Variants in CDK8 observed in about 807,000 individuals in gnomAD.
CDK8 encodes cyclin-dependent kinase 8.
Under a neutral mutation model 71.5 loss-of-function variants are expected in CDK8, and 29 were observed. That is an observed-to-expected ratio of 0.41 (90% CI 0.30 to 0.55). CDK8 has a LOEUF of 0.55. Among genes scored for constraint, CDK8 ranks in the 20% least tolerant of loss-of-function variants. The pLI, the probability that CDK8 is intolerant of heterozygous loss-of-function variation, is 0.37. For synonymous variants in CDK8, 161 were observed against 192.1 expected, an observed-to-expected ratio of 0.84 and a Z score of 1.34; for missense variants, 288 against 572.6, an observed-to-expected ratio of 0.50 and a Z score of 5.07.
In CDK8 at chr13:26,356,481, G is replaced by A. The variant is rs9581649; in HGVS notation, c.456+2601G>A. Among the ~76,000 whole-genome samples, 28 of 152,168 alleles carry A rather than the reference G, an allele frequency of 1.8e-4. No homozygotes were observed. In the South Asian group the frequency reaches 5.2e-3, roughly 28 times the overall value. ...TGACCCTTCTGTGTGTCTCACGCAC[G>A]CAGAAGTCCACTGAACCATTGTTTC... On this transcript the variant is annotated intron_variant, in intron 4 of 12. Transcript: ENST00000381527.
At chr13:26,347,388 A>C (rs1385662126) in intron 2 of CDK8, among the ~76,000 whole-genome samples, 1 of 152,210 alleles carries the variant, frequency 6.6e-6, no homozygotes, top group East Asian at 1.9e-4. Flanking sequence ...GATGTTAATG[A>C]ATGTTGCATC....
At chr13:26,350,081 T>C (rs534142404) in intron 3 of CDK8, among the ~76,000 whole-genome samples, 1 of 152,342 alleles carries the variant, frequency 6.6e-6, no homozygotes, top group African/African-American at 2.4e-5. Flanking sequence ...CCTAGGTTTG[T>C]AGTAGAGTCT....
chr13:26,327,637 T>C (rs1875078872), intron 1 of CDK8, among the ~76,000 whole-genome samples: 1 of 152,172 alleles, frequency 6.6e-6, no homozygotes, highest in African/African-American at 2.4e-5. Flanking sequence ...GAGACCAGCC[T>C]GGACAACATG....
At chr13:26,311,042 C>CTT (rs59128256) in intron 1 of CDK8, among the ~76,000 whole-genome samples, 107 of 136,080 alleles carry the variant, frequency 7.9e-4, no homozygotes, top group Non-Finnish European at 1.4e-3. Flanking sequence ...GCACCAATCT[C>CTT]TTTTTTTTTT....
intron 1 of CDK8, among the ~76,000 whole-genome samples, chr13:26,287,158 AAAG>A (rs1190303049): frequency 1.3e-5 from 2 of 152,254 alleles, no homozygotes; most frequent in Non-Finnish European, 2.9e-5. Flanking sequence ...ACTCAGAGGA[AAAG>A]AAGTCATTAT....
chr13:26,256,156 G>T (rs962372678), intron 1 of CDK8, among the ~76,000 whole-genome samples: 2 of 152,158 alleles, frequency 1.3e-5, no homozygotes, highest in Non-Finnish European at 2.9e-5. Context: ...GATATTCTGG[G>T]CGCCGCACGT....
chr13:26,403,415 T>C (rs1876356198), intron 12 of CDK8, among the ~76,000 whole-genome samples: 1 of 151,788 alleles, frequency 6.6e-6, no homozygotes, highest in South Asian at 2.1e-4. Flanking sequence ...ATTATACCAT[T>C]ACACTCCAGC....
At chr13:26,283,626 A>G (rs964343269) in intron 1 of CDK8, among the ~76,000 whole-genome samples, 1 of 151,736 alleles carries the variant, frequency 6.6e-6, no homozygotes, top group Non-Finnish European at 1.5e-5. Flanking sequence ...TAGACTGGGC[A>G]CAGTGGCTTA....
chr13:26,330,975 T>C (rs1239075347), intron 1 of CDK8, among the ~76,000 whole-genome samples: 2 of 152,244 alleles, frequency 1.3e-5, no homozygotes, highest in South Asian at 2.1e-4. Flanking sequence ...GATTGCTGGA[T>C]TGAATGGTAT....
At chr13:26,287,534 A>C (rs954862487) in intron 1 of CDK8, among the ~76,000 whole-genome samples, 4 of 152,232 alleles carry the variant, frequency 2.6e-5, no homozygotes, top group Non-Finnish European at 2.9e-5. Context: ...ATGCAAAGGC[A>C]TAAGAGTGAT....
intron 1 of CDK8, among the ~76,000 whole-genome samples, chr13:26,309,253 C>T (rs1441027183): frequency 2.6e-5 from 4 of 151,988 alleles, no homozygotes; most frequent in Non-Finnish European, 5.9e-5. Context: ...CATTCTCCTG[C>T]CTCAGCCTCC....
At chr13:26,336,633 A>G (rs1873001799) in intron 1 of CDK8, among the ~76,000 whole-genome samples, 1 of 145,140 alleles carries the variant, frequency 6.9e-6, no homozygotes, top group Admixed American at 7.2e-5. Context: ...GGCTCACTGC[A>G]AGCTCCACCT....
chr13:26,376,466 CATCT>C (rs1874957162), intron 4 of CDK8, among the ~76,000 whole-genome samples: 1 of 152,078 alleles, frequency 6.6e-6, no homozygotes, highest in Admixed American at 6.6e-5. Flanking sequence ...AATCCATTTC[CATCT>C]ATTAAAAAAT....
chr13:26,386,125 G>T (rs1180170953), intron 6 of CDK8, among the ~76,000 whole-genome samples: 1 of 152,158 alleles, frequency 6.6e-6, no homozygotes, highest in Non-Finnish European at 1.5e-5. Flanking sequence ...GAGGAAATTA[G>T]TGCTCTTACA....
At chr13:26,299,368 CTTA>C (rs1490281025) in intron 1 of CDK8, among the ~76,000 whole-genome samples, 1 of 152,098 alleles carries the variant, frequency 6.6e-6, no homozygotes, top group Non-Finnish European at 1.5e-5. Flanking sequence ...GAGTAGTGTA[CTTA>C]AACCTAGATG....
chr13:26,362,839 TG>T (rs1874209537), intron 4 of CDK8, among the ~76,000 whole-genome samples: 1 of 152,184 alleles, frequency 6.6e-6, no homozygotes, highest in Admixed American at 6.5e-5. Flanking sequence ...TTTTAAAATA[TG>T]TGATATCCAA....
Position 26,301,265 on chromosome 13 carries a change from T to G in CDK8, c.129-36302T>G, listed in dbSNP as rs555016115. 7.9e-5 allele frequency among the ~76,000 whole-genome samples: 12 copies of G among 151,140 alleles called. No individual in the cohort carries two copies. The East Asian group carries it at 2.3e-3, about 29-fold the overall frequency. Reference sequence around the variant, plus strand: ...CAGAAAGTCAAACTTCCTAGAGATGTTCAATGTGGGCTTGATGTAAATTAA... The same window carrying G: ...CAGAAAGTCAAACTTCCTAGAGATGGTCAATGTGGGCTTGATGTAAATTAA... On this transcript the variant is annotated intron_variant, in intron 1 of 12. Transcript: ENST00000381527.
chr13:26,355,412 A>G (rs542789312), intron 4 of CDK8, among the ~76,000 whole-genome samples: 158 of 152,248 alleles, frequency 1.0e-3, no homozygotes, highest in South Asian at 2.9e-3. Context: ...TCAGGAGTTC[A>G]AGATCAGGCT....
chr13:26,393,583 T>C, intron 7 of CDK8, 73 bp downstream of exon 7: 2 of 1,466,808 alleles, frequency 1.4e-6, no homozygotes, highest in Non-Finnish European at 1.9e-6. Flanking sequence ...GTTGGAGAGG[T>C]ATATATTTTT....
Sources: gnomAD v4.1 joint callset for allele counts (sites outside exome capture counted in the v4.1 genomes callset) on GRCh38, gnomAD v4.1.1 for gene constraint, MANE v1.5 for transcripts, NCBI Gene and HGNC (gene_info 2026-07-23, HGNC 2026-07-21) for gene names.